Variants in BST2 observed in about 807,000 individuals in gnomAD.
BST2 encodes the protein bone marrow stromal cell antigen 2, also known as bone marrow stromal antigen 2.
A neutral mutation model predicts 18.6 loss-of-function variants in BST2; 10 were observed. The observed-to-expected ratio is 0.54, with a 90% CI of 0.33 to 0.91. The LOEUF (loss-of-function observed/expected upper bound fraction) is 0.91. Among genes scored for constraint, BST2 ranks in the 40% least tolerant of loss-of-function variants. BST2 has a pLI of 0.02. For missense variants in BST2, 183 were observed against 228.4 expected, an observed-to-expected ratio of 0.80 and a Z score of 1.28; for synonymous variants, 75 against 96.8, an observed-to-expected ratio of 0.77 and a Z score of 1.32.
chr19:17,405,035 G>T (rs1231901947), intron 1 of BST2, among the ~76,000 whole-genome samples: 1 of 152,128 alleles, frequency 6.6e-6, no homozygotes, highest in African/African-American at 2.4e-5. Flanking sequence ...TAAGTCCCAG[G>T]GGGATACTGA....
At position 17,403,064 on chromosome 19, in the gene BST2, A is replaced by G. The variant is rs2074705336; in HGVS notation, c.*278T>C. ...GCACATGCCCCCCACACCGCACCCC[A>G]TGCCCAATCTCAGGGTGGGAGACAA... is the stretch of plus-strand genomic sequence containing the variant. On this transcript the variant is annotated 3_prime_UTR_variant, in exon 5 of 5. Transcript: ENST00000252593. 2.0e-6 allele frequency: 2 copies of G among 983,532 alleles called. No individual in the cohort carries two copies. The highest frequency in any genetic ancestry group is 2.4e-6 in the Non-Finnish European group (2 of 829,558). The allele number at this position is 983,532 out of a possible 1,614,324, so 60.9% of individuals were successfully genotyped here. A position where few individuals can be genotyped will look rare whatever the true frequency, so the allele number is the denominator to read the frequency against.
Position 17,404,155 on chromosome 19 carries a change from G to A in BST2, c.387C>T (p.Asp129=), listed in dbSNP as rs189347354. The A allele has an allele frequency of 1.1e-5, 17 of 1,598,736 alleles. No homozygotes were observed. The South Asian group carries it at 1.6e-4, about 15-fold the overall frequency. The stretch of plus-strand genomic sequence containing the variant: ...TCAGTCGCTCCACCTCTGCAGACGC[G>A]TCCTGAAGCTTATGGTTTAATGTAG... ...EITTLNHKLQ[D]ASAEVERLRR... is the part of the protein sequence containing the mutation. The change falls in exon 3 of 5, where the codon GAC becomes GAT. Residue 129 remains aspartate (D), a synonymous_variant. Coordinates refer to ENST00000252593, the MANE Select transcript of BST2 (RefSeq NM_004335.4).
At chr19:17,403,998 T>G in intron 3 of BST2, 131 bp downstream of exon 3, 1 of 1,333,926 alleles carries the variant, frequency 7.5e-7, no homozygotes, top group Non-Finnish European at 1.0e-6. Flanking sequence ...TATCCTTTTG[T>G]GGGACTCAAA....
rs973489150 is a variant in BST2 at position 17,404,500 on chromosome 19, G to A, written c.286-63C>T. ...GTTTGGCTGCTGCCCCTGGGACCTG[G>A]GCCTCCTCCCTAGGTCCTGGGGACA... is the stretch of plus-strand genomic sequence containing the variant. On this transcript the variant is annotated intron_variant, in intron 1 of 4. Coordinates refer to ENST00000252593, the MANE Select transcript of BST2 (RefSeq NM_004335.4). The A allele has an allele frequency of 1.1e-5, 18 of 1,612,502 alleles. No homozygotes were observed. The African/African-American group carries it at 1.6e-4, about 14-fold the overall frequency.
At position 17,403,934 on chromosome 19, in the gene BST2, C is replaced by G. The variant is rs539435716; in HGVS notation, c.414-110G>C. 1.1e-5 allele frequency: 16 copies of G among 1,456,578 alleles called. No individual in the cohort carries two copies. The East Asian group carries it at 2.1e-4, about 19-fold the overall frequency. 90.2% of individuals were successfully genotyped at this position (1,456,578 alleles called of 1,614,324 possible). Reference sequence around the variant, plus strand: ...CCCGCACCGCCCCAATCCAAGTCACCGGGGAGGGAATGGACAGCGGCCACC... The same window carrying G: ...CCCGCACCGCCCCAATCCAAGTCACGGGGGAGGGAATGGACAGCGGCCACC... On this transcript the variant is annotated intron_variant, in intron 3 of 4. Transcript: ENST00000252593.
chr19:17,404,089 TGTG>T, intron 3 of BST2, 37 bp downstream of exon 3: 2 of 1,548,296 alleles, frequency 1.3e-6, no homozygotes, highest in Non-Finnish European at 1.8e-6. Flanking sequence ...GTGAGAGGAA[TGTG>T]GCAGGTGGAG....
In BST2 at chr19:17,403,797, T is replaced by G; in HGVS notation, c.441A>C (p.Arg147Ser). Residue 147 changes from arginine to serine, a missense_variant, in exon 4 of 5, where the codon AGA becomes AGC. Coordinates refer to ENST00000252593, the MANE Select transcript of BST2 (RefSeq NM_004335.4). Reference protein sequence around the residue: ...LRRENQVLSVRIADKKYYPSS... With the variant: ...LRRENQVLSVSIADKKYYPSS... Reference sequence around the variant, plus strand: ...TGGGGTAGTACTTCTTGTCCGCGATTCTCACGCTTAAGACCTGGTTTTCTC... The same window carrying G: ...TGGGGTAGTACTTCTTGTCCGCGATGCTCACGCTTAAGACCTGGTTTTCTC... The G allele has an allele frequency of 6.2e-7, 1 of 1,612,452 alleles. No homozygotes were observed. Among genetic ancestry groups the G allele is most frequent in the Non-Finnish European group, 8.5e-7 (1 of 1,179,668 alleles).
chr19:17,403,183 C>G lies in BST2; in HGVS notation c.*159G>C, dbSNP rs1054602870. The G allele has an allele frequency of 4.0e-6, 4 of 991,100 alleles. No homozygotes were observed. The highest frequency in any genetic ancestry group is 4.8e-6 in the Non-Finnish European group (4 of 833,328). 61.4% of individuals were successfully genotyped at this position (991,100 alleles called of 1,614,324 possible). On this transcript the variant is annotated 3_prime_UTR_variant, in exon 5 of 5. Coordinates refer to ENST00000252593, the MANE Select transcript of BST2 (RefSeq NM_004335.4). ...CCACACCCAGGACTTCCCCATGGCC[C>G]CTCCAGACCTGCTCCAGAGGCCCTT...
In BST2 at chr19:17,405,533, C is replaced by G; in HGVS notation, c.43G>C (p.Asp15His). The change falls in exon 1 of 5, where the codon GAC becomes CAC. Residue 15 changes from aspartate to histidine, a missense_variant. Physicochemically the swap from Asp to His is moderately conservative, Grantham distance 81 (BLOSUM62 -1). Coordinates refer to ENST00000252593, the MANE Select transcript of BST2 (RefSeq NM_004335.4). ...AGAAGCTTACAGCGCTTATCCCCGT[C>G]TTCCATGGGCACTCTGCAATAGTCA... is the stretch of plus-strand genomic sequence containing the variant. ...SYDYCRVPMEDGDKRCKLLLG... is the reference protein window; with the variant it reads ...SYDYCRVPMEHGDKRCKLLLG... The G allele has an allele frequency of 6.2e-7, 1 of 1,614,180 alleles. No homozygotes were observed. The highest frequency in any genetic ancestry group is 8.5e-7 in the Non-Finnish European group (1 of 1,179,994).
chr19:17,404,145 C>G lies in BST2; in HGVS notation c.397G>C (p.Glu133Gln). ...LNHKLQDASA[E>Q]VERLRRENQV... ...ATCTCTGACCTCAGTCGCTCCACCTCTGCAGACGCGTCCTGAAGCTTATGG... is the reference window on the plus strand; with the variant it reads ...ATCTCTGACCTCAGTCGCTCCACCTGTGCAGACGCGTCCTGAAGCTTATGG... Residue 133 changes from glutamate (E) to glutamine (Q), a missense_variant, in exon 3 of 5, where the codon GAG (glutamate) becomes CAG (glutamine). Physicochemically the swap from Glu to Gln is conservative, Grantham distance 29. Coordinates refer to ENST00000252593, the MANE Select transcript of BST2 (RefSeq NM_004335.4). The G allele has an allele frequency of 6.3e-7, 1 of 1,595,176 alleles. No homozygotes were observed. The highest frequency in any genetic ancestry group is 1.1e-5 in the South Asian group (1 of 88,414).
Position 17,403,424 on chromosome 19 carries a change from G to GC in BST2, c.*16-99dup, listed in dbSNP as rs1381896829. The GC allele has an allele frequency of 8.4e-6, 5 of 594,024 alleles. No individual in the cohort carries two copies. The African/African-American group carries it at 2.1e-4, about 25-fold the overall frequency. 36.8% of individuals were successfully genotyped at this position (594,024 alleles called of 1,614,324 possible). A position where few individuals can be genotyped will look rare whatever the true frequency, so the allele number is the denominator to read the frequency against. ...AAGCCCCGCCCCCATCGCTAGACCC[G>GC]CCCCACCCATCCATAAGCCCCTCCC... On this transcript the variant is annotated intron_variant, in intron 4 of 4. Coordinates refer to ENST00000252593, the MANE Select transcript of BST2 (RefSeq NM_004335.4).
intron 3 of BST2, 106 bp downstream of exon 3, chr19:17,404,023 G>T (rs2074711305): frequency 1.4e-6 from 2 of 1,389,812 alleles, no homozygotes; most frequent in Non-Finnish European, 2.0e-6. Context: ...ATCCCTTGGG[G>T]CAATGGGGAT....
intron 3 of BST2, 54 bp downstream of exon 3, chr19:17,404,075 G>A (rs1464567926): frequency 5.9e-6 from 9 of 1,518,564 alleles, no homozygotes; most frequent in East Asian, 4.8e-5. Context: ...CTAGGGATGT[G>A]GGGGTGAGAG....
At chr19:17,403,589 A>G in intron 4 of BST2, 91 bp downstream of exon 4, 2 of 1,448,762 alleles carry the variant, frequency 1.4e-6, no homozygotes, top group Admixed American at 4.5e-5. Flanking sequence ...CTTCCCCTGC[A>G]GCCTCTCTCT....
intron 1 of BST2, chr19:17,404,641 G>GCTTA: frequency 1.5e-6 from 1 of 672,102 alleles, no homozygotes; most frequent in Non-Finnish European, 2.4e-6. Flanking sequence ...CCATAAGCAT[G>GCTTA]TGGGTCCTCA....
Position 17,403,691 on chromosome 19 carries a change from G to T in BST2, c.*4C>A, listed in dbSNP as rs1472415063. The T allele has an allele frequency of 5.0e-6, 8 of 1,612,012 alleles. No homozygotes were observed. Among genetic ancestry groups the T allele is most frequent in the Non-Finnish European group, 6.8e-6 (8 of 1,179,842 alleles). ...CCCTCCTCACTGACCAGCTTCCTGGGATCTCACTGCAGCAGAGCGCTGAGG... is the reference window on the plus strand; with the variant it reads ...CCCTCCTCACTGACCAGCTTCCTGGTATCTCACTGCAGCAGAGCGCTGAGG... On this transcript the variant is annotated 3_prime_UTR_variant, in exon 4 of 5. Coordinates refer to ENST00000252593, the MANE Select transcript of BST2 (RefSeq NM_004335.4).
intron 3 of BST2, 74 bp from the exon 4 acceptor site, chr19:17,403,898 C>T (rs1599593914): frequency 5.8e-6 from 9 of 1,553,206 alleles, no homozygotes; most frequent in East Asian, 4.5e-5. Flanking sequence ...CCACCGCCCC[C>T]GGGAGTTCCC....
chr19:17,403,923 A>G (rs2074710782), intron 3 of BST2, 99 bp from the exon 4 acceptor site: 8 of 1,480,878 alleles, frequency 5.4e-6, no homozygotes, highest in African/African-American at 2.8e-5. Context: ...CACCGCCCCA[A>G]TCCAAGTCAC....
rs1212653842 is a variant in BST2, at chr19:17,405,297, G to T, written c.279C>A (p.His93Gln). The T allele has an allele frequency of 6.2e-7, 1 of 1,610,468 alleles. No homozygotes were observed. Among genetic ancestry groups the T allele is most frequent in the Admixed American group, 1.7e-5 (1 of 59,820 alleles). The change falls in exon 1 of 5, where the codon CAC (histidine) becomes CAA (glutamine). Residue 93 changes from histidine (H) to glutamine (Q), a missense_variant. Coordinates refer to ENST00000252593, the MANE Select transcript of BST2 (RefSeq NM_004335.4). ...DVEAQAATCN[H>Q]TVMALMASLD... ...AAGGAGTTGAGGAGCTTACCACAGT[G>T]TGGTTGCAGGTGGCGGCCTGGGCCT... is the stretch of plus-strand genomic sequence containing the variant.
Sources: gnomAD v4.1 joint callset for allele counts (sites outside exome capture counted in the v4.1 genomes callset) on GRCh38, gnomAD v4.1.1 for gene constraint, MANE v1.5 for transcripts, NCBI Gene and HGNC (gene_info 2026-07-23, HGNC 2026-07-21) for gene names.